The following NEK11 variants were observed in gnomAD, a reference collection of about 807,000 sequenced individuals.
NEK11 encodes the protein NIMA related kinase 11, also known as serine/threonine-protein kinase Nek11.
A neutral mutation model predicts 80.7 loss-of-function variants in NEK11; 72 were observed. The observed-to-expected ratio is 0.89, with a 90% confidence interval of 0.74 to 1.08. NEK11 has a LOEUF of 1.08. Among genes scored for constraint, NEK11 ranks in the 50% least tolerant of loss-of-function variants. The pLI, the probability that NEK11 is intolerant of heterozygous loss-of-function variation, is 0.00. For synonymous variants in NEK11, 251 were observed against 260.7 expected (o/e 0.96, Z 0.36); for missense variants, 764 against 763.6 (o/e 1.00, Z -0.01).
intron 14 of NEK11, among the ~76,000 whole-genome samples, chr3:131,200,415 A>G (rs2094183111): frequency 6.6e-6 from 1 of 152,192 alleles, no homozygotes; most frequent in African/African-American, 2.4e-5. Context: ...TCTTCTTTGG[A>G]AAATAGCTCT....
rs569718394 is a variant in NEK11 at position 131,140,744 on chromosome 3, G to C, written c.647+6788G>C. Among the ~76,000 whole-genome samples, 354 of 152,278 alleles carry C rather than the reference G, an allele frequency of 2.3e-3. 3 individuals are homozygous for C. The highest frequency in any genetic ancestry group is 3.1e-3 in the Non-Finnish European group (209 of 68,012). ...AGAAAAGCAATCTGGCACTCTACTT[G>C]CTGGTCTGTTTGATGGGTAGAACCC... On this transcript the variant is annotated intron_variant, in intron 7 of 17. Transcript: ENST00000383366.
intron 16 of NEK11, among the ~76,000 whole-genome samples, chr3:131,262,177 A>C (rs1482300408): frequency 1.3e-5 from 2 of 152,182 alleles, no homozygotes; most frequent in Admixed American, 1.3e-4. Flanking sequence ...CAGATAAATT[A>C]GATGAAATGG....
intron 17 of NEK11, among the ~76,000 whole-genome samples, chr3:131,334,683 G>GT (rs891843476): frequency 5.3e-5 from 8 of 152,070 alleles, no homozygotes; most frequent in African/African-American, 1.2e-4. Context: ...CCAGGAGCTG[G>GT]TTTTTTTGAA....
rs759950674 is a variant in NEK11 at position 131,349,686 on chromosome 3, C to T, written c.1848C>T (p.Ser616=). The change falls in exon 18 of 18, where the codon AGC becomes AGT. Residue 616 remains serine, a synonymous_variant. Transcript: ENST00000383366. ...TGGAAAAAGTGGTGCCTCAAGCCAG[C>T]GACTGTTTTGAAGTGGACCAGCTCC... ...ECLEKVVPQA[S]DCFEVDQLLY... is the part of the protein sequence containing the mutation. 3.7e-5 allele frequency: 60 copies of T among 1,614,024 alleles called. 2 individuals are homozygous for T. The South Asian group carries it at 4.5e-4, about 12-fold the overall frequency.
At position 131,303,575 on chromosome 3, in the gene NEK11, TTTG is replaced by T. The variant is rs535525881; in HGVS notation, c.1718+30012_1718+30014del. The stretch of plus-strand genomic sequence containing the variant: ...TTGTCTTAAAAGGATCTCAGGGTTT[TTTG>T]TTGTTGTTGTGTTTTTGTTTTTTGT... On this transcript the variant is annotated intron_variant, in intron 17 of 17. Coordinates refer to ENST00000383366, the MANE Select transcript of NEK11 (RefSeq NM_024800.5). Among the ~76,000 whole-genome samples the T allele has an allele frequency of 1.3e-4, 20 of 152,204 alleles. No individual in the cohort carries two copies. In the East Asian group the frequency reaches 2.5e-3, roughly 19 times the overall value.
intron 14 of NEK11, among the ~76,000 whole-genome samples, chr3:131,200,496 ATG>A (rs1463827262): frequency 5.3e-5 from 8 of 152,224 alleles, no homozygotes; most frequent in African/African-American, 1.9e-4. Flanking sequence ...CCTTAGAAAC[ATG>A]TATGCTTATG....
chr3:131,066,320 A>G (rs2148867146), intron 3 of NEK11, among the ~76,000 whole-genome samples: 1 of 152,342 alleles, frequency 6.6e-6, no homozygotes, highest in African/African-American at 2.4e-5. Flanking sequence ...AATTTTTGAA[A>G]AATACTGCTC....
chr3:131,194,666 G>C (rs1045986719), intron 14 of NEK11, among the ~76,000 whole-genome samples: 1 of 151,752 alleles, frequency 6.6e-6, no homozygotes, highest in African/African-American at 2.4e-5. Flanking sequence ...GTTTTAAATT[G>C]AGTTTTAACA....
At chr3:131,153,559 C>T (rs2090081987) in intron 9 of NEK11, among the ~76,000 whole-genome samples, 1 of 151,866 alleles carries the variant, frequency 6.6e-6, no homozygotes, top group African/African-American at 2.4e-5. Flanking sequence ...AGCAAGTTTC[C>T]TCTGTAATTT....
At chr3:131,262,130 G>A (rs986339074) in intron 16 of NEK11, among the ~76,000 whole-genome samples, 1 of 152,118 alleles carries the variant, frequency 6.6e-6, no homozygotes, top group Non-Finnish European at 1.5e-5. Context: ...AAAAAGGATT[G>A]TAAAGGTATA....
chr3:131,029,745 G>A lies in NEK11; in HGVS notation c.37G>A (p.Gly13Arg). Residue 13 changes from glycine to arginine, a missense_variant, in exon 3 of 18, where the codon GGA becomes AGA. Gly to Arg is a moderately radical substitution (Grantham distance 125). Transcript: ENST00000383366. ...CCAAGAGGCAGCTAAGTGTGTGAGTGGATCAACAGCCATTTCCACTTATCC... is the reference window on the plus strand; with the variant it reads ...CCAAGAGGCAGCTAAGTGTGTGAGTAGATCAACAGCCATTTCCACTTATCC... ...KFQEAAKCVS[G>R]STAISTYPKT... 6.2e-7 allele frequency: 1 copy of A among 1,614,106 alleles called. No individual in the cohort carries two copies. The highest frequency in any genetic ancestry group is 8.5e-7 in the Non-Finnish European group (1 of 1,179,986).
At chr3:131,265,119 G>A (rs2096020486) in intron 16 of NEK11, among the ~76,000 whole-genome samples, 1 of 152,162 alleles carries the variant, frequency 6.6e-6, no homozygotes, top group Non-Finnish European at 1.5e-5. Context: ...TTTGGGCTGA[G>A]ACGAGGGGGT....
intron 3 of NEK11, among the ~76,000 whole-genome samples, chr3:131,066,453 CTTG>C (rs1246631292): frequency 2.6e-5 from 4 of 152,072 alleles, no homozygotes; most frequent in African/African-American, 9.6e-5. Context: ...GAGTTGTGTT[CTTG>C]TTGTGAAGCT....
chr3:131,207,107 A>C (rs1314110762), intron 14 of NEK11, among the ~76,000 whole-genome samples: 1 of 152,228 alleles, frequency 6.6e-6, no homozygotes, highest in African/African-American at 2.4e-5. Context: ...TGCTATTGTG[A>C]ATAGTGCCAC....
chr3:131,073,585 G>T (rs1259355021), intron 3 of NEK11, among the ~76,000 whole-genome samples: 1 of 152,102 alleles, frequency 6.6e-6, no homozygotes, highest in East Asian at 1.9e-4. Context: ...CATAGTAAAT[G>T]GAATTTATCT....
Position 131,132,791 on chromosome 3 carries a change from A to G in NEK11, c.502A>G (p.Asn168Asp). 6.6e-7 allele frequency: 1 copy of G among 1,514,740 alleles called. No individual in the cohort carries two copies. The highest frequency in any genetic ancestry group is 9.0e-7 in the Non-Finnish European group (1 of 1,109,456). The allele number at this position is 1,514,740 out of a possible 1,614,324, so 93.8% of individuals were successfully genotyped here. ...AAAGTCAAAGAATGTATTTCTGAAAAATAATCTCCTTAAAATTGGTAAGAT... is the reference window on the plus strand; with the variant it reads ...AAAGTCAAAGAATGTATTTCTGAAAGATAATCTCCTTAAAATTGGTAAGAT... The part of the protein sequence containing the change: ...DLKSKNVFLK[N>D]NLLKIGDFGV... Residue 168 changes from asparagine to aspartate, a missense_variant, in exon 6 of 18, where the codon AAT becomes GAT. Physicochemically the swap from Asn to Asp is conservative, Grantham distance 23 (BLOSUM62 1). Transcript: ENST00000383366.
At chr3:131,084,299 AGAAG>A (rs1200148111) in intron 4 of NEK11, among the ~76,000 whole-genome samples, 1 of 152,244 alleles carries the variant, frequency 6.6e-6, no homozygotes, top group African/African-American at 2.4e-5. Flanking sequence ...TGAACCACAA[AGAAG>A]TTAGCACTCA....
chr3:131,139,713 A>G (rs2086451155), intron 7 of NEK11, among the ~76,000 whole-genome samples: 1 of 152,234 alleles, frequency 6.6e-6, no homozygotes, highest in African/African-American at 2.4e-5. Flanking sequence ...CTTATTTCAA[A>G]CACGCAAATT....
intron 9 of NEK11, among the ~76,000 whole-genome samples, chr3:131,153,684 T>A (rs931374063): frequency 9.2e-5 from 14 of 152,166 alleles, no homozygotes; most frequent in Admixed American, 2.0e-4. Context: ...ATAAATGATG[T>A]GTACTTATTA....
Sources: allele counts gnomAD v4.1 joint callset (sites outside exome capture counted in the v4.1 genomes callset), GRCh38; gene constraint gnomAD v4.1.1; transcripts MANE v1.5; gene names NCBI Gene and HGNC (gene_info 2026-07-23, HGNC 2026-07-21).